The following PRIMPOL variants were observed in gnomAD, a reference collection of about 807,000 sequenced individuals.
PRIMPOL encodes the protein DNA-directed primase/polymerase protein.
A neutral mutation model predicts 63.6 loss-of-function variants in PRIMPOL; 54 were observed. That is an observed-to-expected ratio of 0.85 (90% confidence interval 0.68 to 1.07). The LOEUF is 1.07. Among genes scored for constraint, PRIMPOL ranks in the 50% least tolerant of loss-of-function variants. The pLI, the probability that PRIMPOL is intolerant of heterozygous loss-of-function variation, is 0.00. For synonymous variants in PRIMPOL, 197 were observed against 220.2 expected, an observed-to-expected ratio of 0.89 and a Z score of 0.93; for missense variants, 610 against 648.3, an observed-to-expected ratio of 0.94 and a Z score of 0.64.
intron 2 of PRIMPOL, among the ~76,000 whole-genome samples, chr4:184,654,883 T>C (rs1344884467): frequency 6.6e-6 from 1 of 152,208 alleles, no homozygotes; most frequent in Non-Finnish European, 1.5e-5. Context: ...ATACTTTATA[T>C]GTGGATTAGG....
intron 9 of PRIMPOL, 33 bp from the exon 10 acceptor site, chr4:184,685,376 A>G (rs1350343607): frequency 1.2e-5 from 17 of 1,440,692 alleles, no homozygotes; most frequent in Non-Finnish European, 1.7e-5. Context: ...ACTTTCAGCT[A>G]TTGTAATTTA....
intron 2 of PRIMPOL, among the ~76,000 whole-genome samples, chr4:184,652,688 A>G (rs1744900025): frequency 6.6e-6 from 1 of 152,180 alleles, no homozygotes; most frequent in Admixed American, 6.5e-5. Context: ...CCAAGAGGCT[A>G]GAAAAGGGAT....
intron 4 of PRIMPOL, among the ~76,000 whole-genome samples, chr4:184,660,009 C>T (rs568836480): frequency 6.6e-6 from 1 of 151,550 alleles, no homozygotes; most frequent in African/African-American, 2.4e-5. Flanking sequence ...TTAGTAGAGA[C>T]GGGGTTTCAC....
chr4:184,669,466 G>A (rs1171515551), intron 6 of PRIMPOL, among the ~76,000 whole-genome samples: 1 of 152,228 alleles, frequency 6.6e-6, no homozygotes, highest in African/African-American at 2.4e-5. Flanking sequence ...GGGTGTGGAG[G>A]CAGAGTGCCA....
intron 4 of PRIMPOL, among the ~76,000 whole-genome samples, chr4:184,659,958 T>C (rs1389814858): frequency 6.6e-6 from 1 of 152,004 alleles, no homozygotes; most frequent in Non-Finnish European, 1.5e-5. Context: ...GTTGCTGGGA[T>C]TACAGGTGCC....
chr4:184,694,813 A>G lies in PRIMPOL; in HGVS notation c.*34A>G, dbSNP rs1760165577. 6.4e-7 allele frequency: 1 copy of G among 1,556,920 alleles called. No individual in the cohort carries two copies. The highest frequency in any genetic ancestry group is 8.8e-7 in the Non-Finnish European group (1 of 1,133,656). On this transcript the variant is annotated 3_prime_UTR_variant, in exon 14 of 14. Coordinates refer to ENST00000314970, the MANE Select transcript of PRIMPOL (RefSeq NM_152683.4). The stretch of plus-strand genomic sequence containing the variant: ...CTATGAACACTTTTGTCACCAGGCT[A>G]TAATTTGCCTGATGTCTGTGAGATT...
At chr4:184,669,961 AG>A (rs1441413144) in intron 6 of PRIMPOL, among the ~76,000 whole-genome samples, 2 of 152,220 alleles carry the variant, frequency 1.3e-5, no homozygotes, top group Admixed American at 6.5e-5. Context: ...AAGAGAATTC[AG>A]TTAAATGTAA....
At chr4:184,678,191 G>A in intron 7 of PRIMPOL, 41 bp from the exon 8 acceptor site, 1 of 1,355,836 alleles carries the variant, frequency 7.4e-7, no homozygotes, top group Non-Finnish European at 1.0e-6. Flanking sequence ...ACTAATAACA[G>A]AAAACATGCT....
chr4:184,650,350 CCTT>C (rs1433568056), intron 1 of PRIMPOL, among the ~76,000 whole-genome samples: 2 of 152,226 alleles, frequency 1.3e-5, no homozygotes, highest in South Asian at 4.1e-4. Context: ...GCCGAGAGGT[CCTT>C]CTGCAAAGAC....
At chr4:184,663,532 C>T (rs1180928683) in intron 5 of PRIMPOL, among the ~76,000 whole-genome samples, 1 of 152,144 alleles carries the variant, frequency 6.6e-6, no homozygotes, top group African/African-American at 2.4e-5. Flanking sequence ...ATGAAATGAA[C>T]ACTGGAGCAA....
At chr4:184,651,730 C>T (rs1292694510) in intron 1 of PRIMPOL, among the ~76,000 whole-genome samples, 1 of 152,088 alleles carries the variant, frequency 6.6e-6, no homozygotes, top group Non-Finnish European at 1.5e-5. Flanking sequence ...CTCACTGCAA[C>T]CTCCGCCTCC....
intron 2 of PRIMPOL, among the ~76,000 whole-genome samples, chr4:184,655,166 C>A (rs1030279124): frequency 6.6e-6 from 1 of 151,376 alleles, no homozygotes; most frequent in Non-Finnish European, 1.5e-5. Flanking sequence ...CCCGCCACCA[C>A]GCCTGGCTAA....
At chr4:184,693,059 A>AAGTT in intron 13 of PRIMPOL, among the ~76,000 whole-genome samples, 1 of 152,176 alleles carries the variant, frequency 6.6e-6, no homozygotes, top group South Asian at 2.1e-4. Flanking sequence ...AGAATAAAAG[A>AAGTT]AGTTACCTGC....
Position 184,661,880 on chromosome 4 carries a change from A to T in PRIMPOL, c.385A>T (p.Lys129Ter). The change falls in exon 5 of 14, where the codon AAG becomes TAG. Residue 129 changes from lysine to a stop codon, truncating the protein, a stop_gained. Transcript: ENST00000314970. LOFTEE classifies it high-confidence loss of function. ...TGCCAACCCAGGAGCTGATGGGAAA[A>T]AGATGGTTGCATTACTCATTGAGGT... ...KPANPGADGK[K>*]MVALLIEYVC... 1 of 1,613,586 alleles carries T rather than the reference A, an allele frequency of 6.2e-7. No individual in the cohort carries two copies. Among genetic ancestry groups the T allele is most frequent in the Admixed American group, 1.7e-5 (1 of 60,020 alleles).
chr4:184,683,483 A>G (rs1219683440), intron 9 of PRIMPOL, among the ~76,000 whole-genome samples: 2 of 152,166 alleles, frequency 1.3e-5, no homozygotes, highest in Non-Finnish European at 2.9e-5. Context: ...GGTGTTTTTC[A>G]AAAAACTACA....
intron 6 of PRIMPOL, among the ~76,000 whole-genome samples, chr4:184,671,805 C>T (rs1314600471): frequency 2.7e-5 from 4 of 145,626 alleles, no homozygotes; most frequent in African/African-American, 7.7e-5. Flanking sequence ...TGCAGTGGCG[C>T]GATCTTGGCT....
At position 184,694,774 on chromosome 4, in the gene PRIMPOL, G is replaced by A. The variant is rs775962436; in HGVS notation, c.1678G>A (p.Glu560Lys). 9.3e-6 allele frequency: 15 copies of A among 1,606,732 alleles called. No homozygotes were observed. In the South Asian group the frequency reaches 1.5e-4, roughly 16 times the overall value. The change falls in exon 14 of 14, where the codon GAG becomes AAG. Residue 560 changes from glutamate (E) to lysine (K), a missense_variant. Around this residue, in one of 3 missense-constraint regions of PRIMPOL, gnomAD observed 444 missense variants for 456.4 expected, o/e 0.97. Transcript: ENST00000314970. ...TGAACTAATTATAGAAGTATTACAAGAGTAACTAATTCACTATGAACACTT... is the reference window on the plus strand; with the variant it reads ...TGAACTAATTATAGAAGTATTACAAAAGTAACTAATTCACTATGAACACTT... ...PDELIIEVLQ[E>K]
At chr4:184,678,667 A>G (rs1276222500) in intron 8 of PRIMPOL, among the ~76,000 whole-genome samples, 1 of 151,644 alleles carries the variant, frequency 6.6e-6, no homozygotes, top group Admixed American at 6.6e-5. Flanking sequence ...AGCTGGGACT[A>G]CAGGCGCCTG....
At chr4:184,693,534 G>GT in intron 13 of PRIMPOL, among the ~76,000 whole-genome samples, 1 of 149,940 alleles carries the variant, frequency 6.7e-6, no homozygotes, top group Non-Finnish European at 1.5e-5. Flanking sequence ...GCTTCATCTT[G>GT]TTTTTTAAAA....
Sources: gnomAD v4.1 joint callset for allele counts (sites outside exome capture counted in the v4.1 genomes callset) on GRCh38, gnomAD v4.1.1 for gene constraint, gnomAD v4.1.1 regional missense constraint, MANE v1.5 for transcripts, NCBI Gene and HGNC (gene_info 2026-07-23, HGNC 2026-07-21) for gene names.